Variants in MORC2 observed in about 807,000 individuals in gnomAD.
The protein encoded by MORC2 is MORC family CW-type zinc finger 2, also known as ATPase MORC2.
In MORC2, 30 loss-of-function variants were observed where a neutral mutation model predicts 136.0. That is an observed-to-expected ratio of 0.22 (90% CI 0.17 to 0.30). MORC2 has a LOEUF of 0.30. Among genes scored for constraint, MORC2 ranks in the 10% least tolerant of loss-of-function variants. MORC2 has a pLI of 1.00. For missense variants in MORC2, 922 were observed against 1,333.1 expected (o/e 0.69, Z 4.80); for synonymous variants, 439 against 487.0 (o/e 0.90, Z 1.30).
chr22:30,946,576 C>G, intron 5 of MORC2, 127 bp from the exon 6 acceptor site: 3 of 704,654 alleles, frequency 4.3e-6, no homozygotes, highest in South Asian at 4.1e-5. Context: ...CCCCCCAGGT[C>G]CCAGGACTGT....
Position 30,937,626 on chromosome 22 carries a change from G to A in MORC2, c.1455C>T (p.Tyr485=), listed in dbSNP as rs942011254. Residue 485 remains tyrosine (Y), a synonymous_variant, in exon 15 of 26, where the codon TAC becomes TAT. Coordinates refer to ENST00000397641, the MANE Select transcript of MORC2 (RefSeq NM_001303256.3). This position sits in a 1 kb window ranked among gnomAD's most constrained non-coding sequence, Gnocchi z 4.7. The part of the protein sequence containing the change: ...WNQPPSSELR[Y]KRRRAMEIPT... ...GGATTTCCATAGCTCTCCGGCGTTTGTAACGCAGCTCACTGGATGGGGGCT... is the reference window on the plus strand; with the variant it reads ...GGATTTCCATAGCTCTCCGGCGTTTATAACGCAGCTCACTGGATGGGGGCT... The A allele has an allele frequency of 6.2e-7, 1 of 1,613,638 alleles. No individual in the cohort carries two copies.
chr22:30,926,974 T>C, intron 25 of MORC2, 103 bp from the exon 26 acceptor site: 1 of 849,758 alleles, frequency 1.2e-6, no homozygotes, highest in Non-Finnish European at 1.9e-6. Context: ...CAGAGTCCTC[T>C]CCCTGACCTC....
chr22:30,941,663 C>T lies in MORC2; in HGVS notation c.699-105G>A, dbSNP rs748826028. ...GCTCTCCACCTTTCCATGTTAGGTA[C>T]TGACTTCTGCTGCTGCCCTGAACTG... On this transcript the variant is annotated intron_variant, in intron 8 of 25. Transcript: ENST00000397641. The surrounding 1 kb of genome is among the most constrained non-coding windows in gnomAD (Gnocchi z 4.6). 19 of 1,442,324 alleles carry T rather than the reference C, an allele frequency of 1.3e-5. No homozygotes were observed. The highest frequency in any genetic ancestry group is 1.8e-5 in the Non-Finnish European group (19 of 1,067,628). 89.3% of individuals were successfully genotyped at this position (1,442,324 alleles called of 1,614,324 possible).
At chr22:30,953,273 C>T (rs59148334) in intron 3 of MORC2, among the ~76,000 whole-genome samples, 5,267 of 152,240 alleles carry the variant, frequency 0.035, 258 homozygotes, top group African/African-American at 0.11. Flanking sequence ...GTATGTTCCC[C>T]GCCTCCCATC....
At chr22:30,929,191 TA>T (rs1191082941) in intron 24 of MORC2, among the ~76,000 whole-genome samples, 15 of 152,212 alleles carry the variant, frequency 9.9e-5, no homozygotes. Context: ...ACAAAATAAA[TA>T]CTGGAGCAAT....
At position 30,939,493 on chromosome 22, in the gene MORC2, T is replaced by G; in HGVS notation, c.1073+128A>C. 3.5e-6 allele frequency: 3 copies of G among 867,954 alleles called. No homozygotes were observed. In the Admixed American group the frequency reaches 7.9e-5, roughly 23 times the overall value. The allele number at this position is 867,954 out of a possible 1,614,324, so 53.8% of individuals were successfully genotyped here. A position where few individuals can be genotyped will look rare whatever the true frequency, so the allele number is the denominator to read the frequency against. On this transcript the variant is annotated intron_variant, in intron 12 of 25. Coordinates refer to ENST00000397641, the MANE Select transcript of MORC2 (RefSeq NM_001303256.3). ...AGAGCTAGGATTAAGACTTCCCTCC[T>G]GCAGGAGGCATTTGACAAGCATTTG...
chr22:30,928,736 G>A lies in MORC2; in HGVS notation c.2842-529C>T, dbSNP rs569903678. Among the ~76,000 whole-genome samples the A allele has an allele frequency of 7.9e-5, 12 of 152,342 alleles. No homozygotes were observed. The South Asian group carries it at 1.9e-3, about 24-fold the overall frequency. ...TTTCCCTGAGTACCTGAAACCTCCA[G>A]GGGGAGAGGTAGGAAGGGAAACAAG... On this transcript the variant is annotated intron_variant, in intron 24 of 25. Coordinates refer to ENST00000397641, the MANE Select transcript of MORC2 (RefSeq NM_001303256.3).
At chr22:30,965,858 A>G (rs563275033) in intron 1 of MORC2, among the ~76,000 whole-genome samples, 1 of 152,366 alleles carries the variant, frequency 6.6e-6, no homozygotes, top group Non-Finnish European at 1.5e-5. Context: ...TGCTTTATAG[A>G]CAAGCAAATA....
At position 30,938,050 on chromosome 22, in the gene MORC2, G is replaced by A; in HGVS notation, c.1214+15C>T. 6.2e-7 allele frequency: 1 copy of A among 1,614,054 alleles called. No homozygotes were observed. Among genetic ancestry groups the A allele is most frequent in the South Asian group, 1.1e-5 (1 of 91,074 alleles). On this transcript the variant is annotated intron_variant, in intron 13 of 25. Transcript: ENST00000397641. ...ACTATCCTGGGCTAGACAGCTCTCT[G>A]TGGGTAGTACTCACATGCCCCCTTC...
At chr22:30,928,669 TGGA>T (rs1387130150) in intron 24 of MORC2, among the ~76,000 whole-genome samples, 1 of 152,206 alleles carries the variant, frequency 6.6e-6, no homozygotes, top group Admixed American at 6.5e-5. Flanking sequence ...TCCAGATCTG[TGGA>T]GTAGTATATA....
chr22:30,931,280 C>T (rs1317059502), intron 24 of MORC2, among the ~76,000 whole-genome samples: 1 of 152,224 alleles, frequency 6.6e-6, no homozygotes, highest in Non-Finnish European at 1.5e-5. Flanking sequence ...TTTGTGGGAA[C>T]ACAGCACATC....
chr22:30,952,771 T>C (rs1226011459), intron 3 of MORC2, among the ~76,000 whole-genome samples: 3 of 152,222 alleles, frequency 2.0e-5, no homozygotes, highest in African/African-American at 7.2e-5. Flanking sequence ...CTGGTTATGA[T>C]GAGGACAAGA....
chr22:30,942,199 T>G lies in MORC2; in HGVS notation c.499A>C (p.Ile167Leu). 6.2e-7 allele frequency: 1 copy of G among 1,614,200 alleles called. No homozygotes were observed. The highest frequency in any genetic ancestry group is 8.5e-7 in the Non-Finnish European group (1 of 1,180,032). ...PVTDNVEKFA[I>L]ETELIYKYSP... is the part of the protein sequence containing the mutation. Reference sequence around the variant, plus strand: ...TACTTATAGATGAGTTCTGTCTCAATGGCAAATTTCTCTACATTGTCTGTG... The same window carrying G: ...TACTTATAGATGAGTTCTGTCTCAAGGGCAAATTTCTCTACATTGTCTGTG... The change falls in exon 7 of 26, where the codon ATT becomes CTT. Residue 167 changes from isoleucine to leucine, a missense_variant. Coordinates refer to ENST00000397641, the MANE Select transcript of MORC2 (RefSeq NM_001303256.3).
Position 30,956,794 on chromosome 22 carries a change from A to G in MORC2, c.126T>C (p.Asp42=), listed in dbSNP as rs2040973309. The change falls in exon 3 of 26, where the codon GAT becomes GAC. Residue 42 remains aspartate, a synonymous_variant. Coordinates refer to ENST00000397641, the MANE Select transcript of MORC2 (RefSeq NM_001303256.3). ...AAATATCTATTCTGGTGGCATCAGC[A>G]TCTCTGCAAAGTGAAAAGAAAAGAA... ...ALAELVDNAR[D]ADATRIDIYA... is the part of the protein sequence containing the mutation. 6.5e-7 allele frequency: 1 copy of G among 1,545,772 alleles called. No homozygotes were observed. Among genetic ancestry groups the G allele is most frequent in the African/African-American group, 1.4e-5 (1 of 73,072 alleles).
At position 30,932,370 on chromosome 22, in the gene MORC2, A is replaced by G; in HGVS notation, c.2830T>C (p.Ser944Pro). 1 of 1,613,626 alleles carries G rather than the reference A, an allele frequency of 6.2e-7. No individual in the cohort carries two copies. Among genetic ancestry groups the G allele is most frequent in the East Asian group, 2.2e-5 (1 of 44,876 alleles). The change falls in exon 24 of 26, where the codon TCT becomes CCT. Residue 944 changes from serine (S) to proline (P), a missense_variant. Transcript: ENST00000397641. The surrounding 1 kb of genome is among the most constrained non-coding windows in gnomAD (Gnocchi z 4.4). ...LSAMNSDELI[S>P]FPLKEYFKQY... ...CAGGCCAGACTCACCAGAGGAAAAG[A>G]TATTAGCTCATCTGAATTCATAGCA...
At chr22:30,933,099 C>A in intron 21 of MORC2, 69 bp from the exon 22 acceptor site, 1 of 1,591,088 alleles carries the variant, frequency 6.3e-7, no homozygotes, top group Non-Finnish European at 8.6e-7. Context: ...TGGGCCACAT[C>A]GAGAAAGGCA....
intron 3 of MORC2, among the ~76,000 whole-genome samples, chr22:30,953,361 G>A (rs2040919275): frequency 1.3e-5 from 2 of 152,208 alleles, no homozygotes; most frequent in African/African-American, 4.8e-5. Flanking sequence ...GAACAGCTCT[G>A]TAAGACTGTC....
At chr22:30,965,968 C>T (rs914101449) in intron 1 of MORC2, among the ~76,000 whole-genome samples, 1 of 152,204 alleles carries the variant, frequency 6.6e-6, no homozygotes, top group African/African-American at 2.4e-5. Context: ...ATCTTGGCAC[C>T]GTTTAAGTCT....
At chr22:30,946,547 G>A (rs1188926684) in intron 5 of MORC2, 98 bp from the exon 6 acceptor site, 7 of 1,086,798 alleles carry the variant, frequency 6.4e-6, no homozygotes, top group Non-Finnish European at 9.3e-6. Context: ...AAGTGCCACT[G>A]GAGGGCTCTC....
Sources: gnomAD v4.1 joint callset for allele counts (sites outside exome capture counted in the v4.1 genomes callset) on GRCh38, gnomAD v4.1.1 for gene constraint, Gnocchi (gnomAD v3.1) non-coding constraint, MANE v1.5 for transcripts, NCBI Gene and HGNC (gene_info 2026-07-23, HGNC 2026-07-21) for gene names.